Variants in NDUFA12 observed in about 807,000 individuals in gnomAD.
The protein encoded by NDUFA12 is NADH:ubiquinone oxidoreductase subunit A12.
NDUFA12 carries 17 observed loss-of-function variants against 20.3 expected under a neutral mutation model. That is an observed-to-expected ratio of 0.84 (90% CI 0.57 to 1.26). NDUFA12 has a LOEUF of 1.26. NDUFA12 is among the 50% of genes most tolerant of loss of function. The pLI, the probability that NDUFA12 is intolerant of heterozygous loss-of-function variation, is 0.00. For missense variants in NDUFA12, 191 were observed against 183.7 expected, an observed-to-expected ratio of 1.04 and a Z score of -0.23; for synonymous variants, 72 against 63.6, an observed-to-expected ratio of 1.13 and a Z score of -0.63.
chr12:94,983,248 G>A (rs1013851551), intron 3 of NDUFA12, among the ~76,000 whole-genome samples: 14 of 152,130 alleles, frequency 9.2e-5, no homozygotes, highest in African/African-American at 3.1e-4. Flanking sequence ...GGCCTCCAAC[G>A]ATCACTGCCT....
At chr12:94,973,757 C>A (rs1037368731) in intron 3 of NDUFA12, among the ~76,000 whole-genome samples, 4 of 152,020 alleles carry the variant, frequency 2.6e-5, no homozygotes, top group Admixed American at 2.6e-4. Context: ...TTTATCCTAG[C>A]AAGCCTACAT....
At position 94,993,624 on chromosome 12, in the gene NDUFA12, CAAAAAAAAAAA is replaced by C. The variant is rs61481976; in HGVS notation, c.257+535_257+545del. Among the ~76,000 whole-genome samples the C allele has an allele frequency of 7.0e-4, 8 of 11,354 alleles. 1 individual carries two copies. The highest frequency in any genetic ancestry group is 7.4e-3 in the East Asian group (2 of 272). The allele number at this position is 11,354 out of a possible 152,430, so 7.4% of individuals were successfully genotyped here. A position where few individuals can be genotyped will look rare whatever the true frequency, so the allele number is the denominator to read the frequency against. ...TGGGCAACAGAGTGAGACTCTGTCTCAAAAAAAAAAAAAAAAAAAAAAAAAAAAAGCCAGGC... is the reference window on the plus strand; with the variant it reads ...TGGGCAACAGAGTGAGACTCTGTCTCAAAAAAAAAAAAAAAAAAGCCAGGC... On this transcript the variant is annotated intron_variant, in intron 3 of 3. Coordinates refer to ENST00000327772, the MANE Select transcript of NDUFA12 (RefSeq NM_018838.5).
In NDUFA12 at chr12:95,003,604, A is replaced by T. The variant is rs1209997844; in HGVS notation, c.77T>A (p.Val26Asp). Reference protein sequence around the residue: ...GHGGLRGYLRVFFRTNDAKVG... With the variant: ...GHGGLRGYLRDFFRTNDAKVG... ...GGCTCTGGCCGCCTACCTGAAAAAA[A>T]CCCGTAGATAGCCTCGGAGACCGCC... Residue 26 changes from valine to aspartate, a missense_variant, in exon 1 of 4, where the codon GTT becomes GAT. Coordinates refer to ENST00000327772, the MANE Select transcript of NDUFA12 (RefSeq NM_018838.5). 6.2e-7 allele frequency: 1 copy of T among 1,614,088 alleles called. No individual in the cohort carries two copies. Among genetic ancestry groups the T allele is most frequent in the South Asian group, 1.1e-5 (1 of 91,078 alleles).
intron 3 of NDUFA12, among the ~76,000 whole-genome samples, chr12:94,989,728 T>C (rs537650405): frequency 6.6e-6 from 1 of 152,380 alleles, no homozygotes; most frequent in Admixed American, 6.5e-5. Context: ...TCATGTGGTC[T>C]CAGATCAAAT....
rs183485686 is a variant in NDUFA12, at chr12:94,977,513, C to T, written c.258-5893G>A. Among the ~76,000 whole-genome samples, 171 of 150,588 alleles carry T rather than the reference C, an allele frequency of 1.1e-3. 2 individuals are homozygous for T. The highest frequency in any genetic ancestry group is 3.1e-3 in the African/African-American group (128 of 41,142). ...CTCCGCCCCTGCCCCAAAAACCCCA[C>T]AAAACTGTAACAAATGATTCAGTGG... is the stretch of plus-strand genomic sequence containing the variant. On this transcript the variant is annotated intron_variant, in intron 3 of 3. Transcript: ENST00000327772.
intron 3 of NDUFA12, among the ~76,000 whole-genome samples, chr12:94,975,533 C>T (rs1874039060): frequency 6.6e-6 from 1 of 152,084 alleles, no homozygotes; most frequent in African/African-American, 2.4e-5. Context: ...TTCTAGAGGG[C>T]AATTTGGCAG....
intron 3 of NDUFA12, among the ~76,000 whole-genome samples, chr12:94,974,674 C>A (rs905391142): frequency 1.3e-5 from 2 of 152,138 alleles, no homozygotes; most frequent in Admixed American, 6.5e-5. Flanking sequence ...TAAAAAAGAA[C>A]AACATCCTGT....
At chr12:94,984,119 A>C (rs1935510300) in intron 3 of NDUFA12, among the ~76,000 whole-genome samples, 1 of 152,134 alleles carries the variant, frequency 6.6e-6, no homozygotes, top group Non-Finnish European at 1.5e-5. Flanking sequence ...TAACTATATT[A>C]AGAAGAAACC....
intron 3 of NDUFA12, among the ~76,000 whole-genome samples, chr12:94,973,556 T>C (rs751341008): frequency 1.3e-5 from 2 of 152,144 alleles, no homozygotes; most frequent in Non-Finnish European, 2.9e-5. Flanking sequence ...TCAGCTTAAC[T>C]AAAGAAAAAT....
intron 3 of NDUFA12, 197 bp from the exon 4 acceptor site, chr12:94,971,817 A>G: frequency 1.3e-6 from 1 of 763,742 alleles, no homozygotes; most frequent in South Asian, 1.4e-5. Flanking sequence ...TATAAACATA[A>G]AAGGAGATAA....
At chr12:94,998,793 T>C (rs1035240106) in intron 2 of NDUFA12, among the ~76,000 whole-genome samples, 1 of 152,142 alleles carries the variant, frequency 6.6e-6, no homozygotes, top group Non-Finnish European at 1.5e-5. Context: ...GAAAGATCTC[T>C]ACAAGGAAAA....
At chr12:94,974,930 A>G (rs1032260920) in intron 3 of NDUFA12, among the ~76,000 whole-genome samples, 2 of 152,202 alleles carry the variant, frequency 1.3e-5, no homozygotes, top group African/African-American at 2.4e-5. Flanking sequence ...GAAAGAATGA[A>G]TAAGACCTAG....
intron 3 of NDUFA12, among the ~76,000 whole-genome samples, chr12:94,979,056 A>C (rs893758910): frequency 6.6e-6 from 1 of 152,198 alleles, no homozygotes; most frequent in African/African-American, 2.4e-5. Flanking sequence ...GTGACCAATA[A>C]ACTACAATCA....
chr12:94,972,406 T>C (rs1465521437), intron 3 of NDUFA12: 1 of 444,198 alleles, frequency 2.3e-6, no homozygotes, highest in African/African-American at 2.0e-5. Context: ...GTATTACTAT[T>C]AGGTGCTAGA....
intron 2 of NDUFA12, among the ~76,000 whole-genome samples, chr12:95,001,115 G>A (rs1009550120): frequency 1.3e-5 from 2 of 151,066 alleles, no homozygotes; most frequent in African/African-American, 2.4e-5. Flanking sequence ...GACCAGCCTG[G>A]GGAACAAAGT....
Position 94,993,827 on chromosome 12 carries a change from G to A in NDUFA12, c.257+343C>T, listed in dbSNP as rs370732700. ...CTCACACCTGTAGTCCCAGCTACTCGGGAGGCTAAGACAGGAGAATCGCTT... is the reference window on the plus strand; with the variant it reads ...CTCACACCTGTAGTCCCAGCTACTCAGGAGGCTAAGACAGGAGAATCGCTT... On this transcript the variant is annotated intron_variant, in intron 3 of 3. Coordinates refer to ENST00000327772, the MANE Select transcript of NDUFA12 (RefSeq NM_018838.5). 8.6e-5 allele frequency among the ~76,000 whole-genome samples: 13 copies of A among 152,020 alleles called. No individual in the cohort carries two copies. In the South Asian group the frequency reaches 2.1e-3, roughly 24 times the overall value.
At chr12:94,992,055 A>G (rs1874664111) in intron 3 of NDUFA12, among the ~76,000 whole-genome samples, 2 of 152,214 alleles carry the variant, frequency 1.3e-5, no homozygotes, top group South Asian at 4.1e-4. Flanking sequence ...ATCAAATTCA[A>G]TTAAAATAAA....
rs556879737 is a variant in NDUFA12, at chr12:95,002,207, C to T, written c.169+532G>A. Among the ~76,000 whole-genome samples the T allele has an allele frequency of 2.5e-4, 37 of 150,764 alleles. No homozygotes were observed. In the South Asian group the frequency reaches 7.5e-3, roughly 31 times the overall value. On this transcript the variant is annotated intron_variant, in intron 2 of 3. Coordinates refer to ENST00000327772, the MANE Select transcript of NDUFA12 (RefSeq NM_018838.5). ...CTGTAATCCCAGCACTTTGGGGGGC[C>T]AAGGCGGGTGGATCACGAGGTCAGG... is the stretch of plus-strand genomic sequence containing the variant.
At chr12:94,972,493 C>G (rs1213468521) in intron 3 of NDUFA12, 1 of 452,910 alleles carries the variant, frequency 2.2e-6, no homozygotes, top group Non-Finnish European at 4.4e-6. Flanking sequence ...GAGGCTCCTG[C>G]TGAGAAGAGC....
Sources: allele counts gnomAD v4.1 joint callset (sites outside exome capture counted in the v4.1 genomes callset), GRCh38; gene constraint gnomAD v4.1.1; transcripts MANE v1.5; gene names NCBI Gene and HGNC (gene_info 2026-07-23, HGNC 2026-07-21).